TC2N: variants seen among roughly 807,000 people sequenced by gnomAD.
The protein encoded by TC2N is tandem C2 domains, nuclear.
A neutral mutation model predicts 61.9 loss-of-function variants in TC2N; 51 were observed. The observed-to-expected ratio is 0.82, with a 90% CI of 0.66 to 1.04. TC2N has a LOEUF of 1.04. TC2N is among the 50% of genes least tolerant of loss of function. The pLI, the probability that TC2N is intolerant of heterozygous loss-of-function variation, is 0.00. For synonymous variants in TC2N, 204 were observed against 192.6 expected (o/e 1.06, Z -0.49); for missense variants, 556 against 566.7 (o/e 0.98, Z 0.19).
At chr14:91,842,193 C>A (rs7147495) in intron 1 of TC2N, among the ~76,000 whole-genome samples, 9,018 of 152,060 alleles carry the variant, frequency 0.059, 455 homozygotes, top group African/African-American at 0.14. Context: ...CCATGTTGCC[C>A]AGGCTGGTCT....
At chr14:91,847,259 G>GA (rs34551265) in intron 1 of TC2N, among the ~76,000 whole-genome samples, 2,917 of 126,694 alleles carry the variant, frequency 0.023, 79 homozygotes, top group African/African-American at 0.07. Flanking sequence ...CTCCATCTCA[G>GA]AAAAAAAAAA....
intron 1 of TC2N, among the ~76,000 whole-genome samples, chr14:91,858,202 A>G (rs1307230072): frequency 9.1e-6 from 1 of 110,066 alleles, no homozygotes; most frequent in African/African-American, 3.6e-5. Context: ...TATATTTCCT[A>G]GGCTGGTCTC....
In TC2N at chr14:91,785,034, T is replaced by C. The variant is rs535269939; in HGVS notation, c.1362+128A>G. 134 of 566,894 alleles carry C rather than the reference T, an allele frequency of 2.4e-4. 1 individual carries two copies. In the Middle Eastern group the frequency reaches 4.0e-3, roughly 17 times the overall value. The allele number at this position is 566,894 out of a possible 1,614,324, so 35.1% of individuals were successfully genotyped here. On this transcript the variant is annotated intron_variant, in intron 11 of 11. Coordinates refer to ENST00000435962, the MANE Select transcript of TC2N (RefSeq NM_001128596.3). ...TGACAAGTTTCGATTTTTGTAGCAA[T>C]TGAATTTTGATTTATGATGCTGAAG... is the stretch of plus-strand genomic sequence containing the variant.
At chr14:91,787,400 T>A (rs950995548) in intron 10 of TC2N, 113 bp downstream of exon 10, 49 of 622,502 alleles carry the variant, frequency 7.9e-5, no homozygotes, top group Admixed American at 3.3e-4. Context: ...AGTAAATAAG[T>A]TAAATAATAA....
chr14:91,781,541 C>T lies in TC2N; in HGVS notation c.*1559G>A, dbSNP rs1293551265. On this transcript the variant is annotated 3_prime_UTR_variant, in exon 12 of 12. Coordinates refer to ENST00000435962, the MANE Select transcript of TC2N (RefSeq NM_001128596.3). ...TCCTCTCAATTTTTCTGTTAACCTA[C>T]AACTGCTCTAAAAAAAAAAGTCTAT... 6.6e-6 allele frequency: 1 copy of T among 151,754 alleles called. No individual in the cohort carries two copies. The highest frequency in any genetic ancestry group is 1.5e-5 in the Non-Finnish European group (1 of 67,872). The allele number at this position is 151,754 out of a possible 1,614,324, so 9.4% of individuals were successfully genotyped here.
At chr14:91,790,554 T>G (rs1355883646) in intron 9 of TC2N, among the ~76,000 whole-genome samples, 1 of 152,172 alleles carries the variant, frequency 6.6e-6, no homozygotes, top group Non-Finnish European at 1.5e-5. Flanking sequence ...ATTTATAAAA[T>G]CTCTGATACA....
chr14:91,841,690 T>C (rs1338236986), intron 1 of TC2N, among the ~76,000 whole-genome samples: 1 of 152,180 alleles, frequency 6.6e-6, no homozygotes, highest in Non-Finnish European at 1.5e-5. Context: ...ACTCCAGCAG[T>C]TAGACATGTG....
At chr14:91,805,536 G>T (rs541040435) in intron 3 of TC2N, among the ~76,000 whole-genome samples, 1 of 152,024 alleles carries the variant, frequency 6.6e-6, no homozygotes, top group African/African-American at 2.4e-5. Flanking sequence ...GTGGTGGCCC[G>T]CGCCTGTAGT....
At chr14:91,813,236 G>A (rs1223278797) in intron 2 of TC2N, among the ~76,000 whole-genome samples, 1 of 151,734 alleles carries the variant, frequency 6.6e-6, no homozygotes, top group African/African-American at 2.4e-5. Context: ...TCATAGTTAT[G>A]AGTCTCTTCC....
At chr14:91,827,942 CTTG>C (rs1324834323) in intron 1 of TC2N, among the ~76,000 whole-genome samples, 1 of 152,140 alleles carries the variant, frequency 6.6e-6, no homozygotes, top group Non-Finnish European at 1.5e-5. Context: ...TTGATTCTAT[CTTG>C]TTAAAACCCC....
rs776840697 is a variant in TC2N, at chr14:91,785,259, G to A, written c.1265C>T (p.Thr422Ile). The change falls in exon 11 of 12, where the codon ACT (threonine) becomes ATT (isoleucine). Residue 422 changes from threonine to isoleucine, a missense_variant. Thr to Ile is a moderately conservative substitution (Grantham distance 89). Coordinates refer to ENST00000435962, the MANE Select transcript of TC2N (RefSeq NM_001128596.3). ...ASNGRVKWGE[T>I]MIFPLIQSEK... ...ACTCTGTATAAGTGGAAAAATCATA[G>A]TCTCTCCCCACTTGACTCTTCCATT... The A allele has an allele frequency of 6.2e-7, 1 of 1,612,742 alleles. No homozygotes were observed. Among genetic ancestry groups the A allele is most frequent in the South Asian group, 1.1e-5 (1 of 91,032 alleles).
At position 91,782,685 on chromosome 14, in the gene TC2N, C is replaced by T. The variant is rs1885180975; in HGVS notation, c.*415G>A. On this transcript the variant is annotated 3_prime_UTR_variant, in exon 12 of 12. Coordinates refer to ENST00000435962, the MANE Select transcript of TC2N (RefSeq NM_001128596.3). ...AAGACCTAATCAATAATGCCTAGCA[C>T]TGAAATAATGGTAAAGTCTTCTAAA... The T allele has an allele frequency of 6.5e-6, 1 of 154,136 alleles. No homozygotes were observed. The highest frequency in any genetic ancestry group is 2.4e-5 in the African/African-American group (1 of 41,448). 9.5% of individuals were successfully genotyped at this position (154,136 alleles called of 1,614,324 possible).
At chr14:91,827,922 T>C (rs1028488193) in intron 1 of TC2N, among the ~76,000 whole-genome samples, 1 of 152,238 alleles carries the variant, frequency 6.6e-6, no homozygotes, top group African/African-American at 2.4e-5. Flanking sequence ...ATGTCATCAT[T>C]GCACATATTT....
chr14:91,823,528 A>G (rs995089037), intron 1 of TC2N, among the ~76,000 whole-genome samples: 2 of 5,326 alleles, frequency 3.8e-4, no homozygotes, highest in Non-Finnish European at 0.013. Flanking sequence ...CTCAAAAAAA[A>G]AAAAAAAGAA....
chr14:91,795,564 T>C (rs2402069), intron 8 of TC2N, among the ~76,000 whole-genome samples: 14,982 of 152,166 alleles, frequency 0.098, 1,655 homozygotes, highest in African/African-American at 0.27. Flanking sequence ...CAGATGATCA[T>C]TAACATTTTT....
chr14:91,809,971 C>A (rs1243006329), intron 3 of TC2N, among the ~76,000 whole-genome samples: 2 of 152,120 alleles, frequency 1.3e-5, no homozygotes, highest in African/African-American at 4.8e-5. Context: ...AAAGGAATAT[C>A]TGAGGATGGG....
At chr14:91,805,534 C>G (rs1228991557) in intron 3 of TC2N, among the ~76,000 whole-genome samples, 1 of 151,936 alleles carries the variant, frequency 6.6e-6, no homozygotes, top group Non-Finnish European at 1.5e-5. Context: ...GTGTGGTGGC[C>G]CGCGCCTGTA....
intron 1 of TC2N, among the ~76,000 whole-genome samples, chr14:91,821,459 A>G (rs1291185912): frequency 6.6e-6 from 1 of 152,054 alleles, no homozygotes; most frequent in African/African-American, 2.4e-5. Flanking sequence ...CACAAAAAAA[A>G]AAATTGGATC....
intron 3 of TC2N, among the ~76,000 whole-genome samples, chr14:91,808,077 T>C (rs1331924204): frequency 6.6e-6 from 1 of 152,194 alleles, no homozygotes; most frequent in East Asian, 1.9e-4. Context: ...CTGCCATGAT[T>C]GTCAGGCCTT....
Sources: gnomAD v4.1 joint callset for allele counts (sites outside exome capture counted in the v4.1 genomes callset) on GRCh38, gnomAD v4.1.1 for gene constraint, MANE v1.5 for transcripts, NCBI Gene and HGNC (gene_info 2026-07-23, HGNC 2026-07-21) for gene names.